Variants in UBA7 observed in about 807,000 individuals in gnomAD.
UBA7 encodes ubiquitin like modifier activating enzyme 7.
UBA7 carries 88 observed loss-of-function variants against 113.0 expected under a neutral mutation model. The observed-to-expected ratio is 0.78, with a 90% CI of 0.66 to 0.93. The LOEUF (loss-of-function observed/expected upper bound fraction) is 0.93. Ranked by LOEUF, UBA7 falls within the 40% of genes least tolerant of loss-of-function variation. The pLI is 0.00. For missense variants in UBA7, 1,092 were observed against 1,266.4 expected (o/e 0.86, Z 2.09); for synonymous variants, 459 against 513.0 (o/e 0.89, Z 1.42).
In UBA7 at chr3:49,807,133, G is replaced by A. The variant is rs1326950037; in HGVS notation, c.2715+603C>T. On this transcript the variant is annotated intron_variant, in intron 21 of 23. Transcript: ENST00000333486. The surrounding 1 kb of genome is among the most constrained non-coding windows in gnomAD (Gnocchi z 4.0). ...GGAACACACACATGTGTGCCCACAT[G>A]CATCTCCATGCATGCCCACATTGAG... Among the ~76,000 whole-genome samples the A allele has an allele frequency of 6.6e-6, 1 of 152,198 alleles. No individual in the cohort carries two copies. The highest frequency in any genetic ancestry group is 2.1e-4 in the South Asian group (1 of 4,836).
At chr3:49,805,837 G>A (rs1254912518) in intron 23 of UBA7, 60 bp downstream of exon 23, 4 of 1,468,552 alleles carry the variant, frequency 2.7e-6, no homozygotes, top group East Asian at 2.5e-5. Context: ...AGGCAGTGTG[G>A]TCCCTAGCCC....
At position 49,813,839 on chromosome 3, in the gene UBA7, T is replaced by C. The variant is rs2081589924; in HGVS notation, c.-52A>G. ...CTGCAGCGCTCAGAGATAGGGTCTT[T>C]GTGTAGGTGGCGGTGACAGTAGGGG... On this transcript the variant is annotated 5_prime_UTR_variant, in exon 1 of 24. Coordinates refer to ENST00000333486, the MANE Select transcript of UBA7 (RefSeq NM_003335.3). 1.9e-6 allele frequency: 3 copies of C among 1,607,768 alleles called. No homozygotes were observed. Among genetic ancestry groups the C allele is most frequent in the Non-Finnish European group, 2.5e-6 (3 of 1,176,742 alleles).
chr3:49,812,923 TG>T, intron 4 of UBA7, 138 bp downstream of exon 4: 1 of 1,192,316 alleles, frequency 8.4e-7, no homozygotes, highest in East Asian at 2.5e-5. Flanking sequence ...AGGGCAGGAC[TG>T]GGGACCAGAA....
At chr3:49,808,617 T>C in intron 18 of UBA7, 149 bp from the exon 19 acceptor site, 1 of 843,638 alleles carries the variant, frequency 1.2e-6, no homozygotes, top group Non-Finnish European at 1.8e-6. Flanking sequence ...TGCTACAATC[T>C]CCCCTCTAGA....
In UBA7 at chr3:49,811,856, A is replaced by G. The variant is rs776536432; in HGVS notation, c.939+14T>C. The G allele has an allele frequency of 6.2e-6, 10 of 1,612,346 alleles. No homozygotes were observed. The highest frequency in any genetic ancestry group is 8.5e-6 in the Non-Finnish European group (10 of 1,179,608). On this transcript the variant is annotated intron_variant, in intron 8 of 23. Transcript: ENST00000333486. ...ATGACAGAGGCTGGGGGTGGGAGCAACAGGACTACTCACAGGATCCCAGGG... is the reference window on the plus strand; with the variant it reads ...ATGACAGAGGCTGGGGGTGGGAGCAGCAGGACTACTCACAGGATCCCAGGG...
rs181503121 is a variant in UBA7, at chr3:49,813,115, C to A, written c.414G>T (p.Leu138Phe). 6.2e-6 allele frequency: 10 copies of A among 1,614,196 alleles called. No individual in the cohort carries two copies. In the East Asian group the frequency reaches 2.0e-4, roughly 32 times the overall value. ...KLEEQLKVGT[L>F]CHKHGVCFLA... ...GAAAGCAAACTCCATGCTTATGACA[C>A]AAGGTGCCCACCTTCAGCTGCTCCT... is the stretch of plus-strand genomic sequence containing the variant. Residue 138 changes from leucine to phenylalanine, a missense_variant, in exon 4 of 24, where the codon TTG becomes TTT. By Grantham distance (22) the Leu-to-Phe change is conservative. Around this residue, in one of 3 missense-constraint regions of UBA7, gnomAD observed 584 missense variants for 714.5 expected, o/e 0.82. Transcript: ENST00000333486.
Position 49,807,743 on chromosome 3 carries a change from A to G in UBA7, c.2708T>C (p.Ile903Thr). Residue 903 changes from isoleucine to threonine, a missense_variant, in exon 21 of 24, where the codon ATC becomes ACC. Physicochemically the swap from Ile to Thr is moderately conservative, Grantham distance 89. This residue lies in a region of UBA7 where 500 missense variants were observed against 529.3 expected (regional missense o/e 0.94). Coordinates refer to ENST00000333486, the MANE Select transcript of UBA7 (RefSeq NM_003335.3). This position sits in a 1 kb window ranked among gnomAD's most constrained non-coding sequence, Gnocchi z 4.0. ...LIRYMPFAPA[I>T]QTFHHLKWTS... ...GGGGTATCATGGGCTCACCGTCTGG[A>G]TGGCTGGGGCAAAAGGCATATAGCG... The G allele has an allele frequency of 1.9e-6, 3 of 1,606,936 alleles. No homozygotes were observed. The highest frequency in any genetic ancestry group is 2.6e-6 in the Non-Finnish European group (3 of 1,176,218).
chr3:49,810,624 C>T lies in UBA7; in HGVS notation c.1360G>A (p.Val454Met), dbSNP rs2081529519. ...CCGCTGTTCCCGGCCCCCAGTCCCA[C>T]TAGGGCAAAGACTTTGAGCAGCTCA... ...GCELLKVFAL[V>M]GLGAGNSGGL... Residue 454 changes from valine (V) to methionine (M), a missense_variant, in exon 12 of 24, where the codon GTG becomes ATG. Around this residue, in one of 3 missense-constraint regions of UBA7, gnomAD observed 584 missense variants for 714.5 expected, o/e 0.82. Coordinates refer to ENST00000333486, the MANE Select transcript of UBA7 (RefSeq NM_003335.3). This position sits in a 1 kb window ranked among gnomAD's most constrained non-coding sequence, Gnocchi z 5.6. 1 of 1,614,152 alleles carries T rather than the reference C, an allele frequency of 6.2e-7. No homozygotes were observed. Among genetic ancestry groups the T allele is most frequent in the East Asian group, 2.2e-5 (1 of 44,878 alleles).
chr3:49,809,876 C>T lies in UBA7; in HGVS notation c.1843G>A (p.Ala615Thr), dbSNP rs752775958. 1 of 1,614,124 alleles carries T rather than the reference C, an allele frequency of 6.2e-7. No individual in the cohort carries two copies. The highest frequency in any genetic ancestry group is 8.5e-7 in the Non-Finnish European group (1 of 1,180,028). Residue 615 changes from alanine (A) to threonine (T), a missense_variant, in exon 15 of 24, where the codon GCC becomes ACC. Physicochemically the swap from Ala to Thr is moderately conservative, Grantham distance 58. Coordinates refer to ENST00000333486, the MANE Select transcript of UBA7 (RefSeq NM_003335.3). ...PSTAEHTLQW[A>T]RHEFEELFRL... is the part of the protein sequence containing the mutation. ...AAGAGTTCTTCAAACTCATGCCGGG[C>T]CCACTGTGGAGGAGGGAGGAAGAAT...
intron 19 of UBA7, 44 bp downstream of exon 19, chr3:49,808,342 A>T (rs778797747): frequency 6.2e-7 from 1 of 1,612,440 alleles, no homozygotes; most frequent in East Asian, 2.2e-5. Context: ...ACCTTTCTCC[A>T]CAAACTCCCC....
chr3:49,809,866 T>A lies in UBA7; in HGVS notation c.1853A>T (p.Glu618Val). 2 of 1,614,100 alleles carry A rather than the reference T, an allele frequency of 1.2e-6. No homozygotes were observed. Among genetic ancestry groups the A allele is most frequent in the South Asian group, 2.2e-5 (2 of 91,078 alleles). Reference sequence around the variant, plus strand: ...AGACAGTCGGAAGAGTTCTTCAAACTCATGCCGGGCCCACTGTGGAGGAGG... The same window carrying A: ...AGACAGTCGGAAGAGTTCTTCAAACACATGCCGGGCCCACTGTGGAGGAGG... ...AEHTLQWARH[E>V]FEELFRLSAE... Residue 618 changes from glutamate to valine, a missense_variant, in exon 15 of 24, where the codon GAG becomes GTG. Coordinates refer to ENST00000333486, the MANE Select transcript of UBA7 (RefSeq NM_003335.3).
At position 49,811,952 on chromosome 3, in the gene UBA7, T is replaced by C. The variant is rs2081554408; in HGVS notation, c.857A>G (p.His286Arg). 6.2e-7 allele frequency: 1 copy of C among 1,614,056 alleles called. No homozygotes were observed. Among genetic ancestry groups the C allele is most frequent in the Non-Finnish European group, 8.5e-7 (1 of 1,180,042 alleles). Reference protein sequence around the residue: ...VVAQSSQEVHHAHCLHQAFCA... With the variant: ...VVAQSSQEVHRAHCLHQAFCA... Reference sequence around the variant, plus strand: ...GAAGGCCTGATGCAGGCAGTGGGCATGGTGAACTTCCTGGGAGCTCTGGGC... The same window carrying C: ...GAAGGCCTGATGCAGGCAGTGGGCACGGTGAACTTCCTGGGAGCTCTGGGC... The change falls in exon 8 of 24, where the codon CAT becomes CGT. Residue 286 changes from histidine to arginine, a missense_variant. Physicochemically the swap from His to Arg is conservative, Grantham distance 29. Transcript: ENST00000333486.
In UBA7 at chr3:49,812,005, G is replaced by A; in HGVS notation, c.804C>T (p.Asp268=). 6.2e-7 allele frequency: 1 copy of A among 1,614,212 alleles called. No individual in the cohort carries two copies. The highest frequency in any genetic ancestry group is 8.5e-7 in the Non-Finnish European group (1 of 1,180,028). ...RPKTVRHKSL[D]TALLQPHVVA... ...CCACATGGGGCTGGAGCAGGGCTGT[G>A]TCCAGGGACTTCTGCAAGGGCACCT... Residue 268 remains aspartate, a synonymous_variant, in exon 8 of 24, where the codon GAC becomes GAT. Coordinates refer to ENST00000333486, the MANE Select transcript of UBA7 (RefSeq NM_003335.3).
rs746724264 is a variant in UBA7, at chr3:49,810,048, G to T, written c.1769C>A (p.Ala590Asp). The change falls in exon 14 of 24, where the codon GCT (alanine) becomes GAT (aspartate). Residue 590 changes from alanine (A) to aspartate (D), a missense_variant. Around this residue, in one of 3 missense-constraint regions of UBA7, gnomAD observed 500 missense variants for 529.3 expected, o/e 0.94. Coordinates refer to ENST00000333486, the MANE Select transcript of UBA7 (RefSeq NM_003335.3). The surrounding 1 kb of genome is among the most constrained non-coding windows in gnomAD (Gnocchi z 5.6). ...EAYRAPASAA[A>D]SEDAPYPVCT... is the part of the protein sequence containing the mutation. ...GACAGGGTAGGGGGCATCCTCAGAA[G>T]CTGCAGCTGAGGCAGGGGCTCTGTA... The T allele has an allele frequency of 1.2e-6, 2 of 1,613,736 alleles. No individual in the cohort carries two copies.
chr3:49,806,952 C>G (rs1228634876), intron 21 of UBA7, among the ~76,000 whole-genome samples: 1 of 152,152 alleles, frequency 6.6e-6, no homozygotes, highest in Admixed American at 6.5e-5. Flanking sequence ...CAGCAGAAAC[C>G]CAGTGCTGGC....
rs2081523491 is a variant in UBA7, at chr3:49,810,350, G to T, written c.1546C>A (p.Leu516Met). 1 of 1,614,098 alleles carries T rather than the reference G, an allele frequency of 6.2e-7. No individual in the cohort carries two copies. The highest frequency in any genetic ancestry group is 1.3e-5 in the African/African-American group (1 of 74,930). Residue 516 changes from leucine to methionine, a missense_variant, in exon 13 of 24, where the codon CTG becomes ATG. Transcript: ENST00000333486. The surrounding 1 kb of genome is among the most constrained non-coding windows in gnomAD (Gnocchi z 5.6). The part of the protein sequence containing the change: ...DLQVIPLTYP[L>M]DPTTEHIYGD... ...TAGATGTGCTCTGTGGTGGGATCCA[G>T]TGGGTAGGTGAGCGGGATCACCTGT...
In UBA7 at chr3:49,808,479, AG is replaced by A. The variant is rs764743288; in HGVS notation, c.2348-12del. 5.6e-6 allele frequency: 9 copies of A among 1,613,634 alleles called. No homozygotes were observed. Among genetic ancestry groups the A allele is most frequent in the Non-Finnish European group, 7.6e-6 (9 of 1,179,764 alleles). The stretch of plus-strand genomic sequence containing the variant: ...TCTGCTGCTCAGGGCCTGTCAGGGG[AG>A]GGGATGTTGAGGCAGTCCTTAGCCC... On this transcript the variant is annotated splice_polypyrimidine_tract_variant and intron_variant, in intron 18 of 23. Transcript: ENST00000333486.
chr3:49,808,869 G>C, intron 18 of UBA7, 107 bp downstream of exon 18: 1 of 1,390,986 alleles, frequency 7.2e-7, no homozygotes. Flanking sequence ...GTAGCAAATT[G>C]GCTGTAGATC....
In UBA7 at chr3:49,807,451, AG is replaced by A. The variant is rs2081472106; in HGVS notation, c.2715+284del. ...CTACCCCTCAGGGGTACTCCAAGGA[AG>A]GAGGGGACTGTGGGGGATGTCTGGC... On this transcript the variant is annotated intron_variant, in intron 21 of 23. Transcript: ENST00000333486. This position sits in a 1 kb window ranked among gnomAD's most constrained non-coding sequence, Gnocchi z 4.0. Among the ~76,000 whole-genome samples, 1 of 152,122 alleles carries A rather than the reference AG, an allele frequency of 6.6e-6. No homozygotes were observed. Among genetic ancestry groups the A allele is most frequent in the Admixed American group, 6.5e-5 (1 of 15,282 alleles).
Sources: allele counts gnomAD v4.1 joint callset (sites outside exome capture counted in the v4.1 genomes callset), GRCh38; gene constraint gnomAD v4.1.1; regional missense constraint gnomAD v4.1.1; non-coding constraint Gnocchi (gnomAD v3.1); transcripts MANE v1.5; gene names NCBI Gene and HGNC (gene_info 2026-07-23, HGNC 2026-07-21).